GYS1: variants seen among roughly 807,000 people sequenced by gnomAD.
GYS1 encodes the protein glycogen synthase 1.
GYS1 carries 60 observed loss-of-function variants against 89.1 expected under a neutral mutation model. The ratio of observed to expected loss-of-function variants is 0.67; its 90% CI spans 0.55 to 0.84. The LOEUF (loss-of-function observed/expected upper bound fraction) is 0.84, where lower values mean the gene tolerates loss of function less well. Among genes scored for constraint, GYS1 ranks in the 40% least tolerant of loss-of-function variants. The probability of loss-of-function intolerance (pLI) is 0.00; values close to 1 mark genes in which losing one functional copy is unlikely to be tolerated. For missense variants in GYS1, 888 were observed against 1,003.1 expected (o/e 0.89, Z 1.55); for synonymous variants, 366 against 401.7 (o/e 0.91, Z 1.06).
Position 48,991,383 on chromosome 19 carries a change from C to T in GYS1, c.219G>A (p.Val73=). The part of the protein sequence containing the change: ...FLVGPYTEQG[V]RTQVELLEAP... ...CCTCCAGCAGTTCCACCTGGGTCCT[C>T]ACGCCCTGCTCCGTGTACGGCCCCA... Residue 73 remains valine, a synonymous_variant, in exon 2 of 16, where the codon GTG becomes GTA. Coordinates refer to ENST00000323798, the MANE Select transcript of GYS1 (RefSeq NM_002103.5). This position sits in a 1 kb window ranked among gnomAD's most constrained non-coding sequence, Gnocchi z 4.7. 6.2e-7 allele frequency: 1 copy of T among 1,614,168 alleles called. No individual in the cohort carries two copies. The highest frequency in any genetic ancestry group is 8.5e-7 in the Non-Finnish European group (1 of 1,180,048).
At position 48,982,268 on chromosome 19, in the gene GYS1, T is replaced by G; in HGVS notation, c.1049A>C (p.Asn350Thr). The G allele has an allele frequency of 6.2e-7, 1 of 1,613,806 alleles. No homozygotes were observed. The highest frequency in any genetic ancestry group is 8.5e-7 in the Non-Finnish European group (1 of 1,179,844). ...CCCAGGCCTCACTCTGAGCAGATAG[T>G]TGAGCCGAGCCAATGCCTCCAGGAA... ...DVFLEALARLNYLLRVNGSEQ... is the reference protein window; with the variant it reads ...DVFLEALARLTYLLRVNGSEQ... The change falls in exon 7 of 16, where the codon AAC becomes ACC. Residue 350 changes from asparagine to threonine, a missense_variant. Transcript: ENST00000323798.
chr19:48,971,876 T>TC (rs2038570322), intron 12 of GYS1, among the ~76,000 whole-genome samples: 1 of 150,602 alleles, frequency 6.6e-6, no homozygotes, highest in Non-Finnish European at 1.5e-5. Context: ...TTTTTTTTTT[T>TC]CTCGAGACAA....
chr19:48,970,491 C>T (rs1446244079), intron 14 of GYS1, 55 bp downstream of exon 14: 1 of 1,484,012 alleles, frequency 6.7e-7, no homozygotes, highest in Non-Finnish European at 9.4e-7. Context: ...CACCAAAGAC[C>T]CCTAGCCAGG....
intron 12 of GYS1, among the ~76,000 whole-genome samples, chr19:48,971,504 C>A (rs1423449786): frequency 1.3e-5 from 2 of 151,416 alleles, no homozygotes; most frequent in Non-Finnish European, 2.9e-5. Flanking sequence ...CTTTAACAAC[C>A]TTGAGAAATA....
chr19:48,970,047 C>T lies in GYS1; in HGVS notation c.1810-192G>A, dbSNP rs375872485. On this transcript the variant is annotated intron_variant, in intron 14 of 15. Coordinates refer to ENST00000323798, the MANE Select transcript of GYS1 (RefSeq NM_002103.5). Reference sequence around the variant, plus strand: ...TGAATGGACAGTTTCTGAGCCATACCCCTCAAACAGGGGCCGAATTCTCAA... The same window carrying T: ...TGAATGGACAGTTTCTGAGCCATACTCCTCAAACAGGGGCCGAATTCTCAA... Among the ~76,000 whole-genome samples the T allele has an allele frequency of 5.9e-5, 9 of 152,276 alleles. No homozygotes were observed. In the East Asian group the frequency reaches 1.4e-3, roughly 23 times the overall value.
rs1179458628 is a variant in GYS1, at chr19:48,982,739, C to T, written c.922G>A (p.Val308Met). 1 of 1,612,486 alleles carries T rather than the reference C, an allele frequency of 6.2e-7. No homozygotes were observed. ...AQSKARIQEF[V>M]RGHFYGHLDF... ...ACGTACCCATAAAAATGGCCCCGCA[C>T]AAACTCCTGGATTCGAGCCTTGCTC... The change falls in exon 6 of 16, where the codon GTG (valine) becomes ATG (methionine). Residue 308 changes from valine to methionine, a missense_variant. Coordinates refer to ENST00000323798, the MANE Select transcript of GYS1 (RefSeq NM_002103.5).
At chr19:48,973,218 A>C (rs866845075) in intron 12 of GYS1, among the ~76,000 whole-genome samples, 139 of 152,186 alleles carry the variant, frequency 9.1e-4, no homozygotes, top group African/African-American at 3.3e-3. Flanking sequence ...CCATGAGAAG[A>C]AGCTTCTTTC....
At chr19:48,977,391 G>A (rs1470142595) in intron 10 of GYS1, among the ~76,000 whole-genome samples, 1 of 152,180 alleles carries the variant, frequency 6.6e-6, no homozygotes, top group Non-Finnish European at 1.5e-5. Context: ...TCAGGAGCTT[G>A]AGACTGGCCT....
chr19:48,969,014 T>G lies in GYS1; in HGVS notation c.*274A>C. 1.5e-6 allele frequency: 1 copy of G among 646,186 alleles called. No homozygotes were observed. Among genetic ancestry groups the G allele is most frequent in the Non-Finnish European group, 2.8e-6 (1 of 352,170 alleles). 40.0% of individuals were successfully genotyped at this position (646,186 alleles called of 1,614,324 possible). A position where few individuals can be genotyped will look rare whatever the true frequency, so the allele number is the denominator to read the frequency against. Reference sequence around the variant, plus strand: ...GGCACCACCGCAGAGTAATGGCAGATTCCTGGCCTCTGGGAAGCGGTCCAG... The same window carrying G: ...GGCACCACCGCAGAGTAATGGCAGAGTCCTGGCCTCTGGGAAGCGGTCCAG... On this transcript the variant is annotated 3_prime_UTR_variant, in exon 16 of 16. Transcript: ENST00000323798.
rs566530509 is a variant in GYS1, at chr19:48,972,905, G to A, written c.1549+1308C>T. 1.4e-3 allele frequency among the ~76,000 whole-genome samples: 219 copies of A among 152,132 alleles called. 6 individuals carry two copies. Among genetic ancestry groups the A allele is most frequent in the Non-Finnish European group, 1.2e-3 (85 of 68,028 alleles). ...AATGACAGATACTCAAGAGGCTGAG[G>A]CAGAAGCACCTGAACCTAGGAGTTC... On this transcript the variant is annotated intron_variant, in intron 12 of 15. Coordinates refer to ENST00000323798, the MANE Select transcript of GYS1 (RefSeq NM_002103.5).
intron 5 of GYS1, 30 bp downstream of exon 5, chr19:48,985,431 C>T (rs370579867): frequency 6.2e-7 from 1 of 1,610,610 alleles, no homozygotes. Context: ...CTACCTCATT[C>T]ACGTCTGGGG....
Position 48,978,503 on chromosome 19 carries a change from G to A in GYS1, c.1170-346C>T, listed in dbSNP as rs573056257. Among the ~76,000 whole-genome samples the A allele has an allele frequency of 2.1e-3, 308 of 149,964 alleles. 1 individual carries two copies. The highest frequency in any genetic ancestry group is 7.5e-3 in the African/African-American group (303 of 40,284). On this transcript the variant is annotated intron_variant, in intron 8 of 15. Transcript: ENST00000323798. ...GCCTCCCAAAGTACTGGGATTAGAG[G>A]CTTGAGCCACTGTGCCCAGCAGTTT...
chr19:48,973,810 C>T (rs1307103224), intron 12 of GYS1, among the ~76,000 whole-genome samples: 1 of 152,134 alleles, frequency 6.6e-6, no homozygotes, highest in Non-Finnish European at 1.5e-5. Context: ...AGCCACCACG[C>T]CCAGCCTTAT....
chr19:48,980,100 C>A (rs1243141503), intron 8 of GYS1, among the ~76,000 whole-genome samples: 2 of 152,126 alleles, frequency 1.3e-5, no homozygotes, highest in South Asian at 4.1e-4. Context: ...TCTTGCCTCA[C>A]TTTCTACCCC....
chr19:48,968,726 G>A lies in GYS1; in HGVS notation c.*562C>T, dbSNP rs1489619145. On this transcript the variant is annotated 3_prime_UTR_variant, in exon 16 of 16. Transcript: ENST00000323798. The stretch of plus-strand genomic sequence containing the variant: ...GCCTGGCTCTGACATGCCAGGGAGG[G>A]CTAGAACATCCCTCCCAGAGCCCCA... 1.3e-5 allele frequency: 6 copies of A among 454,006 alleles called. No individual in the cohort carries two copies. Among genetic ancestry groups the A allele is most frequent in the African/African-American group, 2.0e-5 (1 of 50,004 alleles). The allele number at this position is 454,006 out of a possible 1,614,324, so 28.1% of individuals were successfully genotyped here.
chr19:48,969,201 T>C lies in GYS1; in HGVS notation c.*87A>G. 1 of 1,248,048 alleles carries C rather than the reference T, an allele frequency of 8.0e-7. No individual in the cohort carries two copies. The highest frequency in any genetic ancestry group is 1.1e-6 in the Non-Finnish European group (1 of 903,186). 77.3% of individuals were successfully genotyped at this position (1,248,048 alleles called of 1,614,324 possible). ...TGCGGGGCCACACCCAGTGCAGATC[T>C]GGAGCGGGGGTTTAGGAGCAGCACC... On this transcript the variant is annotated 3_prime_UTR_variant, in exon 16 of 16. Transcript: ENST00000323798.
chr19:48,977,678 C>T (rs139547745), intron 10 of GYS1, among the ~76,000 whole-genome samples: 1 of 152,168 alleles, frequency 6.6e-6, no homozygotes, highest in Admixed American at 6.5e-5. Context: ...AGAAACCACA[C>T]GTCCCAGCAA....
chr19:48,979,816 T>C (rs1057065370), intron 8 of GYS1, among the ~76,000 whole-genome samples: 13 of 151,730 alleles, frequency 8.6e-5, no homozygotes, highest in African/African-American at 2.9e-4. Context: ...CTGCTGATTT[T>C]TTTTATTTTT....
intron 3 of GYS1, among the ~76,000 whole-genome samples, chr19:48,986,385 A>G (rs188784285): frequency 2.6e-5 from 4 of 152,298 alleles, no homozygotes; most frequent in Admixed American, 2.6e-4. Context: ...TCTCAAGGGT[A>G]CGCTGTCTGC....
Sources: allele counts gnomAD v4.1 joint callset (sites outside exome capture counted in the v4.1 genomes callset), GRCh38; gene constraint gnomAD v4.1.1; non-coding constraint Gnocchi (gnomAD v3.1); transcripts MANE v1.5; gene names NCBI Gene and HGNC (gene_info 2026-07-23, HGNC 2026-07-21).